The following SLCO2A1 variants were observed in gnomAD, a reference collection of about 807,000 sequenced individuals.
The protein encoded by SLCO2A1 is solute carrier organic anion transporter family member 2A1, also known as matrin F/G 1.
SLCO2A1 carries 60 observed loss-of-function variants against 71.7 expected under a neutral mutation model. The observed-to-expected ratio is 0.84, with a 90% CI of 0.68 to 1.04. The LOEUF is 1.04. Ranked by LOEUF, SLCO2A1 falls within the 50% of genes least tolerant of loss-of-function variation. SLCO2A1 has a pLI of 0.00. For missense variants in SLCO2A1, 745 were observed against 813.4 expected (o/e 0.92, Z 1.02); for synonymous variants, 308 against 326.7 (o/e 0.94, Z 0.62).
intron 11 of SLCO2A1, among the ~76,000 whole-genome samples, chr3:133,941,515 C>T (rs1933418435): frequency 1.3e-5 from 2 of 151,996 alleles, no homozygotes; most frequent in Admixed American, 6.6e-5. Flanking sequence ...TTTTTGCCCT[C>T]TCTGCTTGCG....
In SLCO2A1 at chr3:133,979,589, C is replaced by T. The variant is rs561841509; in HGVS notation, c.126G>A (p.Gln42=). 9.9e-6 allele frequency: 16 copies of T among 1,613,760 alleles called. No homozygotes were observed. In the East Asian group the frequency reaches 1.1e-4, roughly 11 times the overall value. ...AGGCGCTGTACAGGAGTTGGCAGAG[C>T]TGCAGGAGGCCTTGGCAGAGCACAA... The part of the protein sequence containing the change: ...KVFVLCQGLL[Q]LCQLLYSAYF... The change falls in exon 2 of 14, where the codon CAG becomes CAA. Residue 42 remains glutamine, a synonymous_variant. Transcript: ENST00000310926.
At chr3:133,986,535 C>T (rs2108062130) in intron 1 of SLCO2A1, among the ~76,000 whole-genome samples, 1 of 152,220 alleles carries the variant, frequency 6.6e-6, no homozygotes, top group East Asian at 1.9e-4. Flanking sequence ...GGCACTCAGG[C>T]TTCTAACTGT....
At position 134,029,789 on chromosome 3, in the gene SLCO2A1, G is replaced by T; in HGVS notation, c.14C>A (p.Pro5His). The T allele has an allele frequency of 6.6e-7, 1 of 1,525,688 alleles. No homozygotes were observed. Among genetic ancestry groups the T allele is most frequent in the South Asian group, 1.2e-5 (1 of 80,762 alleles). The allele number at this position is 1,525,688 out of a possible 1,614,324, so 94.5% of individuals were successfully genotyped here. Residue 5 changes from proline to histidine, a missense_variant, in exon 1 of 14, where the codon CCC (proline) becomes CAC (histidine). Pro to His is a moderately conservative substitution (Grantham distance 77). Coordinates refer to ENST00000310926, the MANE Select transcript of SLCO2A1 (RefSeq NM_005630.3). MGLL[P>H]KLGASQGSDT... ...GCTGCCCTGGGACGCGCCGAGCTTG[G>T]GCAGGAGCCCCATGGCTGCGGGCGG...
At chr3:134,007,807 C>G (rs184158466) in intron 1 of SLCO2A1, among the ~76,000 whole-genome samples, 391 of 152,346 alleles carry the variant, frequency 2.6e-3, no homozygotes, top group Non-Finnish European at 4.3e-3. Context: ...TCACACCACA[C>G]ATATTTCCTC....
chr3:133,940,557 A>G (rs1933394249), intron 11 of SLCO2A1, among the ~76,000 whole-genome samples: 1 of 151,808 alleles, frequency 6.6e-6, no homozygotes, highest in South Asian at 2.1e-4. Flanking sequence ...TGCCAGGGAG[A>G]TTTTCCTACT....
chr3:133,955,864 C>T (rs10460838), intron 3 of SLCO2A1, among the ~76,000 whole-genome samples: 1 of 152,090 alleles, frequency 6.6e-6, no homozygotes, highest in Admixed American at 6.5e-5. Context: ...AAGACCCTCT[C>T]GTTCAGCCTC....
chr3:134,019,863 G>A (rs955636644), intron 1 of SLCO2A1, among the ~76,000 whole-genome samples: 2 of 152,050 alleles, frequency 1.3e-5, no homozygotes, highest in Non-Finnish European at 2.9e-5. Context: ...TTGAGTTTCC[G>A]CTGTTCCCAC....
At chr3:134,011,050 T>C (rs1935330041) in intron 1 of SLCO2A1, among the ~76,000 whole-genome samples, 1 of 152,168 alleles carries the variant, frequency 6.6e-6, no homozygotes, top group Non-Finnish European at 1.5e-5. Flanking sequence ...TTTTTGTTTG[T>C]TTGTTTTTTG....
chr3:133,960,823 T>G (rs967470845), intron 3 of SLCO2A1, among the ~76,000 whole-genome samples: 1 of 152,072 alleles, frequency 6.6e-6, no homozygotes, highest in Non-Finnish European at 1.5e-5. Flanking sequence ...GGAGAGGACA[T>G]TCTGGAGAAG....
intron 1 of SLCO2A1, among the ~76,000 whole-genome samples, chr3:134,015,014 G>A (rs1167007772): frequency 2.0e-5 from 3 of 152,158 alleles, no homozygotes; most frequent in South Asian, 2.1e-4. Context: ...AAAAGCAAGC[G>A]TTAAACCTGT....
intron 10 of SLCO2A1, among the ~76,000 whole-genome samples, chr3:133,944,257 G>T (rs72980304): frequency 0.028 from 4,277 of 152,190 alleles, 196 homozygotes; most frequent in African/African-American, 0.098. Flanking sequence ...CCATGGCATG[G>T]GTTACTTTCT....
chr3:134,004,531 G>A (rs886674351), intron 1 of SLCO2A1, among the ~76,000 whole-genome samples: 3 of 152,028 alleles, frequency 2.0e-5, no homozygotes, highest in Admixed American at 2.0e-4. Context: ...ACAGGGTTTC[G>A]CCATGTTGGC....
chr3:133,956,803 T>A (rs1933909691), intron 3 of SLCO2A1, among the ~76,000 whole-genome samples: 1 of 152,180 alleles, frequency 6.6e-6, no homozygotes, highest in South Asian at 2.1e-4. Flanking sequence ...TGGAGAAGAA[T>A]ATGTTCCCTA....
intron 1 of SLCO2A1, among the ~76,000 whole-genome samples, chr3:133,987,092 G>A (rs1934730319): frequency 1.3e-5 from 2 of 151,046 alleles, no homozygotes; most frequent in South Asian, 4.2e-4. Flanking sequence ...AATTTCAACT[G>A]ATGTCTTATG....
rs558916955 is a variant in SLCO2A1, at chr3:133,933,610, A to G, written c.*1103T>C. 1.3e-5 allele frequency: 2 copies of G among 152,392 alleles called. No individual in the cohort carries two copies. The highest frequency in any genetic ancestry group is 4.1e-4 in the South Asian group (2 of 4,822). The allele number at this position is 152,392 out of a possible 1,614,324, so 9.4% of individuals were successfully genotyped here. A position where few individuals can be genotyped will look rare whatever the true frequency, so the allele number is the denominator to read the frequency against. The stretch of plus-strand genomic sequence containing the variant: ...AAGAGGCTGAGAAAATGGGAATGGT[A>G]TGAGCATGTCTGAAACCAGGAAAGC... On this transcript the variant is annotated 3_prime_UTR_variant, in exon 14 of 14. Transcript: ENST00000310926.
intron 3 of SLCO2A1, among the ~76,000 whole-genome samples, chr3:133,969,468 C>T (rs1470464015): frequency 2.6e-5 from 4 of 152,094 alleles, no homozygotes; most frequent in African/African-American, 2.4e-5. Context: ...CTCATTAAAG[C>T]CTCAAACTTC....
At chr3:133,992,885 A>C (rs7613393) in intron 1 of SLCO2A1, among the ~76,000 whole-genome samples, 25,809 of 151,828 alleles carry the variant, frequency 0.17, 4,278 homozygotes, top group African/African-American at 0.43. Context: ...CAACCTTATT[A>C]CTCTTGGACG....
intron 1 of SLCO2A1, among the ~76,000 whole-genome samples, chr3:134,010,505 G>A (rs1338298781): frequency 6.6e-6 from 1 of 152,074 alleles, no homozygotes; most frequent in East Asian, 1.9e-4. Context: ...TGTAATCCCA[G>A]CACTTTGGGA....
chr3:134,005,543 G>T (rs766370092), intron 1 of SLCO2A1, among the ~76,000 whole-genome samples: 2 of 149,506 alleles, frequency 1.3e-5, no homozygotes, highest in Non-Finnish European at 3.0e-5. Flanking sequence ...GTGCAGTGGC[G>T]CAATCTCGGC....
Sources: allele counts gnomAD v4.1 joint callset (sites outside exome capture counted in the v4.1 genomes callset), GRCh38; gene constraint gnomAD v4.1.1; transcripts MANE v1.5; gene names NCBI Gene and HGNC (gene_info 2026-07-23, HGNC 2026-07-21).